Variants in CTNNA3 observed in about 807,000 individuals in gnomAD.
The protein encoded by CTNNA3 is catenin alpha 3.
In CTNNA3, 76 loss-of-function variants were observed where a neutral mutation model predicts 95.7. The ratio of observed to expected loss-of-function variants is 0.79; its 90% CI spans 0.66 to 0.96. The LOEUF is 0.96. Among genes scored for constraint, CTNNA3 ranks in the 40% least tolerant of loss-of-function variants. The pLI is 0.00. For missense variants in CTNNA3, 1,191 were observed against 1,089.8 expected (o/e 1.09, Z -1.31); for synonymous variants, 431 against 374.4 (o/e 1.15, Z -1.74).
In CTNNA3 at chr10:66,981,435, A is replaced by G. The variant is rs535273901; in HGVS notation, c.1047+198882T>C. On this transcript the variant is annotated intron_variant, in intron 7 of 17. Coordinates refer to ENST00000433211, the MANE Select transcript of CTNNA3 (RefSeq NM_013266.4). The stretch of plus-strand genomic sequence containing the variant: ...GAGTCCCTTTGAATTGCCACTGACC[A>G]TATGACTTACCCATCCCCATTTCCA... Among the ~76,000 whole-genome samples the G allele has an allele frequency of 5.6e-4, 86 of 152,328 alleles. No individual in the cohort carries two copies. The South Asian group carries it at 0.015, about 27-fold the overall frequency.
chr10:66,279,282 G>A (rs939523543), intron 13 of CTNNA3, among the ~76,000 whole-genome samples: 1 of 151,968 alleles, frequency 6.6e-6, no homozygotes. Context: ...TACTACTGAT[G>A]CTCCACTCAT....
At chr10:67,324,372 G>A (rs1412169817) in intron 5 of CTNNA3, among the ~76,000 whole-genome samples, 1 of 152,120 alleles carries the variant, frequency 6.6e-6, no homozygotes, top group African/African-American at 2.4e-5. Context: ...GACTGAATGA[G>A]TTTGTCATAG....
chr10:66,647,218 G>A (rs1455497476), intron 9 of CTNNA3, among the ~76,000 whole-genome samples: 1 of 152,138 alleles, frequency 6.6e-6, no homozygotes, highest in African/African-American at 2.4e-5. Flanking sequence ...CAAGCCAGGA[G>A]AGTCAAAGTA....
chr10:66,715,759 T>C (rs1848430833), intron 9 of CTNNA3, among the ~76,000 whole-genome samples: 1 of 152,082 alleles, frequency 6.6e-6, no homozygotes, highest in African/African-American at 2.4e-5. Flanking sequence ...ATAAAATTTA[T>C]ATTTCTCCTC....
intron 7 of CTNNA3, among the ~76,000 whole-genome samples, chr10:66,852,861 G>A (rs1185647476): frequency 1.3e-5 from 2 of 152,100 alleles, no homozygotes; most frequent in African/African-American, 2.4e-5. Context: ...TAGCAGTAAT[G>A]TTTTTGTTAA....
intron 7 of CTNNA3, among the ~76,000 whole-genome samples, chr10:67,011,176 A>T (rs1480478186): frequency 6.6e-6 from 1 of 151,996 alleles, no homozygotes; most frequent in Non-Finnish European, 1.5e-5. Context: ...AAAAATACAA[A>T]AAATAAATAA....
Position 67,503,406 on chromosome 10 carries a change from C to T in CTNNA3, c.579+18436G>A, listed in dbSNP as rs375710752. Among the ~76,000 whole-genome samples the T allele has an allele frequency of 3.9e-4, 60 of 152,300 alleles. 1 individual carries two copies. The South Asian group carries it at 0.012, about 30-fold the overall frequency. Reference sequence around the variant, plus strand: ...CTGGGAGCTGCAGACCACAGCTGTTCCTATTCGGCCCTCTTGCCCCTATAT... The same window carrying T: ...CTGGGAGCTGCAGACCACAGCTGTTTCTATTCGGCCCTCTTGCCCCTATAT... On this transcript the variant is annotated intron_variant, in intron 5 of 17. Transcript: ENST00000433211.
intron 6 of CTNNA3, among the ~76,000 whole-genome samples, chr10:67,219,070 A>G (rs760618348): frequency 4.6e-5 from 7 of 152,180 alleles, no homozygotes; most frequent in Non-Finnish European, 8.8e-5. Context: ...AACACAGGGC[A>G]CATACCTTCA....
rs901644940 is a variant in CTNNA3, at chr10:67,062,973, G to T, written c.1047+117344C>A. On this transcript the variant is annotated intron_variant, in intron 7 of 17. Transcript: ENST00000433211. The stretch of plus-strand genomic sequence containing the variant: ...TCATATGCTGAGAGTTAATCGTTTT[G>T]TTTTTTTTTCTGATCGTTGTCTTTT... Among the ~76,000 whole-genome samples, 19 of 150,160 alleles carry T rather than the reference G, an allele frequency of 1.3e-4. No individual in the cohort carries two copies. In the East Asian group the frequency reaches 2.9e-3, roughly 23 times the overall value.
chr10:67,349,841 C>T (rs1445434121), intron 5 of CTNNA3, among the ~76,000 whole-genome samples: 1 of 152,074 alleles, frequency 6.6e-6, no homozygotes, highest in African/African-American at 2.4e-5. Context: ...GGCAAAGCAA[C>T]TCCTTATGAC....
intron 1 of CTNNA3, among the ~76,000 whole-genome samples, chr10:67,718,547 T>C (rs1841158793): frequency 6.6e-6 from 1 of 152,236 alleles, no homozygotes; most frequent in Non-Finnish European, 1.5e-5. Flanking sequence ...AGGCCTTTTC[T>C]GCATCTGTTG....
rs544835858 is a variant in CTNNA3 at position 66,478,332 on chromosome 10, T to C, written c.1531+42285A>G. ...ATGAGATGGACACTAAACATTTGAATTGCAAACAGATTTTACACTTGAAAA... is the reference window on the plus strand; with the variant it reads ...ATGAGATGGACACTAAACATTTGAACTGCAAACAGATTTTACACTTGAAAA... On this transcript the variant is annotated intron_variant, in intron 11 of 17. Coordinates refer to ENST00000433211, the MANE Select transcript of CTNNA3 (RefSeq NM_013266.4). 1.7e-3 allele frequency among the ~76,000 whole-genome samples: 255 copies of C among 152,022 alleles called. 7 individuals are homozygous for C. The highest frequency in any genetic ancestry group is 4.0e-4 in the Non-Finnish European group (27 of 67,942).
intron 11 of CTNNA3, among the ~76,000 whole-genome samples, chr10:66,436,587 TG>T (rs1231627573): frequency 9.3e-5 from 14 of 150,830 alleles, no homozygotes; most frequent in African/African-American, 3.4e-4. Context: ...TGTTTGTCTT[TG>T]CATGTGAGAT....
intron 14 of CTNNA3, among the ~76,000 whole-genome samples, chr10:66,085,266 G>A (rs2080937297): frequency 2.6e-5 from 4 of 152,016 alleles, no homozygotes; most frequent in Admixed American, 2.6e-4. Flanking sequence ...GATTCACTAA[G>A]GAAAATAAAC....
chr10:66,136,916 G>A (rs2083386233), intron 13 of CTNNA3, among the ~76,000 whole-genome samples: 1 of 152,040 alleles, frequency 6.6e-6, no homozygotes, highest in South Asian at 2.1e-4. Context: ...CCACCTCGTG[G>A]GTTCAAGCAA....
At chr10:66,420,548 T>C (rs12264563) in intron 11 of CTNNA3, among the ~76,000 whole-genome samples, 57,800 of 151,498 alleles carry the variant, frequency 0.38, 11,549 homozygotes, top group African/African-American at 0.5. Context: ...TGCCTGTAAT[T>C]GCAGCACTTT....
At chr10:66,118,085 C>T (rs2082413179) in intron 13 of CTNNA3, among the ~76,000 whole-genome samples, 2 of 151,110 alleles carry the variant, frequency 1.3e-5, no homozygotes, top group South Asian at 4.2e-4. Flanking sequence ...AATTATGCAC[C>T]TATACTTCCT....
intron 9 of CTNNA3, among the ~76,000 whole-genome samples, chr10:66,721,615 T>G (rs1469542337): frequency 6.6e-6 from 1 of 152,184 alleles, no homozygotes; most frequent in Admixed American, 6.5e-5. Flanking sequence ...CTGGTAAGAA[T>G]GATGAATATT....
intron 5 of CTNNA3, among the ~76,000 whole-genome samples, chr10:67,234,849 A>G (rs1180702570): frequency 6.7e-6 from 1 of 150,236 alleles, no homozygotes; most frequent in Non-Finnish European, 1.5e-5. Flanking sequence ...AAAAATCACA[A>G]GCATTCTTAT....
Sources: gnomAD v4.1 joint callset for allele counts (sites outside exome capture counted in the v4.1 genomes callset) on GRCh38, gnomAD v4.1.1 for gene constraint, MANE v1.5 for transcripts, NCBI Gene and HGNC (gene_info 2026-07-23, HGNC 2026-07-21) for gene names.